Variants in ST3GAL6 observed in about 807,000 individuals in gnomAD.
ST3GAL6 encodes ST3 beta-galactoside alpha-2,3-sialyltransferase 6.
Under a neutral mutation model 40.5 loss-of-function variants are expected in ST3GAL6, and 31 were observed. The ratio of observed to expected loss-of-function variants is 0.77; its 90% CI spans 0.58 to 1.03. ST3GAL6 has a LOEUF of 1.03. Ranked by LOEUF, ST3GAL6 falls within the 50% of genes least tolerant of loss-of-function variation. The pLI, the probability that ST3GAL6 is intolerant of heterozygous loss-of-function variation, is 0.00. For missense variants in ST3GAL6, 357 were observed against 393.2 expected, an observed-to-expected ratio of 0.91 and a Z score of 0.78; for synonymous variants, 129 against 136.9, an observed-to-expected ratio of 0.94 and a Z score of 0.40.
intron 1 of ST3GAL6, 98 bp from the exon 2 acceptor site, chr3:98,768,332 G>C (rs1004064418): frequency 6.1e-5 from 53 of 864,980 alleles, no homozygotes; most frequent in Non-Finnish European, 9.6e-5. Flanking sequence ...AGTTCCTTTT[G>C]TATATTTTTT....
intron 1 of ST3GAL6, 64 bp from the exon 2 acceptor site, chr3:98,768,366 A>T: frequency 1.8e-6 from 2 of 1,140,450 alleles, no homozygotes; most frequent in Admixed American, 3.5e-5. Context: ...TATTTGAGCC[A>T]TTGTGAAAAT....
At chr3:98,768,406 T>G in intron 1 of ST3GAL6, 24 bp from the exon 2 acceptor site, 1 of 1,579,066 alleles carries the variant, frequency 6.3e-7, no homozygotes, top group Non-Finnish European at 8.7e-7. Flanking sequence ...GCCTTTGCTT[T>G]GGACTTCATT....
chr3:98,763,331 G>A, upstream of ST3GAL6: 3 of 1,289,766 alleles, frequency 2.3e-6, no homozygotes, highest in South Asian at 1.2e-5. Flanking sequence ...ACAGTCTGGA[G>A]TGTATGTCAG....
intron 7 of ST3GAL6, 41 bp downstream of exon 7, chr3:98,788,263 T>C: frequency 1.3e-6 from 2 of 1,592,250 alleles, no homozygotes; most frequent in Non-Finnish European, 1.7e-6. Flanking sequence ...TTACCTTTAG[T>C]GCTTTTTTTC....
intron 1 of ST3GAL6, 119 bp from the exon 2 acceptor site, chr3:98,768,310 AT>A: frequency 4.0e-6 from 3 of 756,566 alleles, no homozygotes; most frequent in Non-Finnish European, 4.6e-6. Context: ...TGCCCACATC[AT>A]TTTTTTCTAT....
chr3:98,762,993 T>C, upstream of ST3GAL6: 2 of 985,408 alleles, frequency 2.0e-6, no homozygotes, highest in Non-Finnish European at 2.4e-6. Context: ...TCTCACGCAT[T>C]TGGACTACCT....
chr3:98,786,920 A>G (rs377448295), intron 6 of ST3GAL6, among the ~76,000 whole-genome samples: 2 of 151,102 alleles, frequency 1.3e-5, no homozygotes, highest in African/African-American at 4.9e-5. Context: ...CTATTTTTTT[A>G]GTGAAAGGTC....
intron 1 of ST3GAL6, among the ~76,000 whole-genome samples, chr3:98,753,283 A>C (rs1937166615): frequency 6.6e-6 from 1 of 152,240 alleles, no homozygotes; most frequent in Non-Finnish European, 1.5e-5. Flanking sequence ...ATCCCAAACA[A>C]GGCTCTAACT....
At chr3:98,772,267 C>T (rs1457399932) in intron 3 of ST3GAL6, 1 of 152,570 alleles carries the variant, frequency 6.6e-6, no homozygotes, top group African/African-American at 2.4e-5. Context: ...AACAGAAAAG[C>T]CAGCAGCAAT....
At chr3:98,772,613 T>C (rs41267851) in intron 3 of ST3GAL6, among the ~76,000 whole-genome samples, 200 bp from the exon 4 acceptor site, 8,098 of 151,982 alleles carry the variant, frequency 0.053, 270 homozygotes, top group Non-Finnish European at 0.071. Context: ...TTCAGTTGTG[T>C]AGTTCCATTA....
At chr3:98,779,126 G>A (rs1225251050) in intron 5 of ST3GAL6, among the ~76,000 whole-genome samples, 2 of 152,162 alleles carry the variant, frequency 1.3e-5, no homozygotes, top group Non-Finnish European at 2.9e-5. Context: ...TTTTTCTGTG[G>A]CTGTCTTTTT....
chr3:98,772,708 TATAATG>T (rs1939126836), intron 3 of ST3GAL6, 99 bp from the exon 4 acceptor site: 1 of 676,436 alleles, frequency 1.5e-6, no homozygotes. Flanking sequence ...GTATAGCCAG[TATAATG>T]ATATGGATTA....
intron 5 of ST3GAL6, among the ~76,000 whole-genome samples, chr3:98,779,159 C>T (rs1276982147): frequency 6.6e-6 from 1 of 152,150 alleles, no homozygotes; most frequent in Non-Finnish European, 1.5e-5. Flanking sequence ...GCTGCTCTAA[C>T]TTTTTGTTAT....
intron 1 of ST3GAL6, among the ~76,000 whole-genome samples, chr3:98,750,193 T>C (rs1176737654): frequency 6.6e-6 from 1 of 152,244 alleles, no homozygotes; most frequent in Non-Finnish European, 1.5e-5. Flanking sequence ...CAGAGCACAT[T>C]TACTTAGTTT....
At chr3:98,760,166 C>G (rs1348922299), upstream of ST3GAL6, among the ~76,000 whole-genome samples, 3 of 152,122 alleles carry the variant, frequency 2.0e-5, no homozygotes, top group African/African-American at 7.2e-5. Context: ...GCTGCCAGTT[C>G]CCCTCAAAAA....
At chr3:98,746,544 T>A (rs1936569695) in intron 1 of ST3GAL6, among the ~76,000 whole-genome samples, 1 of 152,154 alleles carries the variant, frequency 6.6e-6, no homozygotes, top group Admixed American at 6.5e-5. Context: ...ATAATGTGAA[T>A]AATGTCGTCA....
In ST3GAL6 at chr3:98,782,762, A is replaced by G. The variant is rs1480560591; in HGVS notation, c.336-2183A>G. 9 of 513,106 alleles carry G rather than the reference A, an allele frequency of 1.8e-5. No individual in the cohort carries two copies. In the East Asian group the frequency reaches 5.0e-4, roughly 28 times the overall value. 31.8% of individuals were successfully genotyped at this position (513,106 alleles called of 1,614,324 possible). On this transcript the variant is annotated intron_variant, in intron 5 of 9. Transcript: ENST00000483910. ...TCATGTTCAGCCTCCAAGTGGTCTCATAATCAACAAAGAATCTGAAGTTTA... is the reference window on the plus strand; with the variant it reads ...TCATGTTCAGCCTCCAAGTGGTCTCGTAATCAACAAAGAATCTGAAGTTTA...
chr3:98,773,899 A>G (rs1939263075), intron 4 of ST3GAL6, 21 bp from the exon 5 acceptor site: 2 of 1,605,784 alleles, frequency 1.2e-6, no homozygotes, highest in Non-Finnish European at 1.7e-6. Context: ...TTTTATTCAT[A>G]ACACTCCATT....
At chr3:98,745,160 A>T (rs1298308700) in intron 1 of ST3GAL6, among the ~76,000 whole-genome samples, 3 of 151,932 alleles carry the variant, frequency 2.0e-5, no homozygotes, top group Admixed American at 6.6e-5. Flanking sequence ...CAGCCTCCTG[A>T]GTAGCTGGGA....
Sources: gnomAD v4.1 joint callset for allele counts (sites outside exome capture counted in the v4.1 genomes callset) on GRCh38, gnomAD v4.1.1 for gene constraint, MANE v1.5 for transcripts, NCBI Gene and HGNC (gene_info 2026-07-23, HGNC 2026-07-21) for gene names.